The following GPR176 variants were observed in gnomAD, a reference collection of about 807,000 sequenced individuals.
The protein encoded by GPR176 is G-protein coupled receptor 176.
Under a neutral mutation model 35.4 loss-of-function variants are expected in GPR176, and 26 were observed. The observed-to-expected ratio is 0.74, with a 90% CI of 0.54 to 1.02. GPR176 has a LOEUF of 1.02. Ranked by LOEUF, GPR176 falls within the 50% of genes least tolerant of loss-of-function variation. The probability of loss-of-function intolerance (pLI) is 0.00; values close to 1 mark genes in which losing one functional copy is unlikely to be tolerated. For missense variants in GPR176, 597 were observed against 665.3 expected, an observed-to-expected ratio of 0.90 and a Z score of 1.13; for synonymous variants, 278 against 271.3, an observed-to-expected ratio of 1.02 and a Z score of -0.24.
chr15:39,885,424 T>C (rs550808197), intron 1 of GPR176, among the ~76,000 whole-genome samples: 2 of 152,182 alleles, frequency 1.3e-5, no homozygotes, highest in Non-Finnish European at 2.9e-5. Context: ...CCCCACCTCC[T>C]TGCTCTACCC....
At chr15:39,853,765 C>T (rs1311491425) in intron 1 of GPR176, among the ~76,000 whole-genome samples, 3 of 152,020 alleles carry the variant, frequency 2.0e-5, no homozygotes, top group Non-Finnish European at 4.4e-5. Context: ...TTATAAACAT[C>T]CTCACAAAGC....
At chr15:39,804,034 T>G (rs1210517223) in intron 2 of GPR176, among the ~76,000 whole-genome samples, 1 of 152,174 alleles carries the variant, frequency 6.6e-6, no homozygotes, top group Non-Finnish European at 1.5e-5. Flanking sequence ...GACAACTCAG[T>G]AAATATGTGA....
In GPR176 at chr15:39,802,031, G is replaced by A. The variant is rs1272401834; in HGVS notation, c.649C>T (p.Pro217Ser). The A allele has an allele frequency of 6.2e-7, 1 of 1,614,022 alleles. No homozygotes were observed. Reference protein sequence around the residue: ...LVYNITTVIVPVVVVFLFLIL... With the variant: ...LVYNITTVIVSVVVVFLFLIL... ...AAGAAGAGGAACACCACCACCACAG[G>A]CACAATGACCGTGGTGATGTTATAC... Residue 217 changes from proline to serine, a missense_variant, in exon 3 of 3, where the codon CCT (proline) becomes TCT (serine). Transcript: ENST00000561100.
At chr15:39,803,001 G>C (rs1898979740) in intron 2 of GPR176, among the ~76,000 whole-genome samples, 3 of 152,098 alleles carry the variant, frequency 2.0e-5, no homozygotes, top group Admixed American at 2.0e-4. Flanking sequence ...TATTTAACTT[G>C]ATCATTCTGT....
intron 1 of GPR176, among the ~76,000 whole-genome samples, chr15:39,907,112 T>C (rs918650859): frequency 1.3e-5 from 2 of 152,208 alleles, no homozygotes; most frequent in African/African-American, 4.8e-5. Context: ...AAGCCAGCCA[T>C]AAGACGCATC....
At chr15:39,890,059 T>A (rs56040783) in intron 1 of GPR176, among the ~76,000 whole-genome samples, 7,888 of 152,112 alleles carry the variant, frequency 0.052, 643 homozygotes, top group African/African-American at 0.17. Context: ...ATGATGAAAA[T>A]TTTGATCATC....
At chr15:39,859,233 G>C (rs1000208326) in intron 1 of GPR176, among the ~76,000 whole-genome samples, 2 of 151,688 alleles carry the variant, frequency 1.3e-5, no homozygotes, top group Non-Finnish European at 2.9e-5. Flanking sequence ...ACTGAAAAAA[G>C]GTATATCTGA....
At chr15:39,843,510 T>C (rs1040761415) in intron 1 of GPR176, among the ~76,000 whole-genome samples, 1 of 152,108 alleles carries the variant, frequency 6.6e-6, no homozygotes, top group African/African-American at 2.4e-5. Flanking sequence ...ACTCCCAGAA[T>C]TGCATTTTGC....
chr15:39,895,704 T>C (rs1015077824), intron 1 of GPR176, among the ~76,000 whole-genome samples: 3 of 152,202 alleles, frequency 2.0e-5, no homozygotes, highest in Non-Finnish European at 4.4e-5. Context: ...TTTAATGATA[T>C]GGTATGGACA....
chr15:39,853,107 T>C (rs2030982371), intron 1 of GPR176, among the ~76,000 whole-genome samples: 1 of 152,166 alleles, frequency 6.6e-6, no homozygotes. Context: ...TGAAGAGATA[T>C]TTGCACACTC....
intron 1 of GPR176, among the ~76,000 whole-genome samples, chr15:39,913,395 A>G (rs2033630214): frequency 6.6e-6 from 1 of 152,152 alleles, no homozygotes; most frequent in African/African-American, 2.4e-5. Flanking sequence ...AAGTACAAAA[A>G]TTAGATGGGC....
At chr15:39,851,305 A>G (rs1355901156) in intron 1 of GPR176, among the ~76,000 whole-genome samples, 1 of 152,218 alleles carries the variant, frequency 6.6e-6, no homozygotes, top group East Asian at 1.9e-4. Context: ...TGAAGAAAAC[A>G]TAAGCCTAAA....
chr15:39,877,865 A>G (rs1326462899), intron 1 of GPR176, among the ~76,000 whole-genome samples: 2 of 151,786 alleles, frequency 1.3e-5, no homozygotes, highest in Non-Finnish European at 2.9e-5. Flanking sequence ...CCCTGCCCCA[A>G]CTCCATGCTC....
chr15:39,856,139 G>C (rs982612954), intron 1 of GPR176, among the ~76,000 whole-genome samples: 1 of 152,128 alleles, frequency 6.6e-6, no homozygotes, highest in Non-Finnish European at 1.5e-5. Context: ...GGACATGGAG[G>C]CATGCCCAAT....
Position 39,801,865 on chromosome 15 carries a change from A to G in GPR176, c.815T>C (p.Val272Ala), listed in dbSNP as rs990647214. ...CACGCTACACAAGATGAAGACCATC[A>G]CCATGGAGAGCAGGGTGGCGTGCAG... ...AELHATLLSM[V>A]MVFILCSVPY... The change falls in exon 3 of 3, where the codon GTG (valine) becomes GCG (alanine). Residue 272 changes from valine (V) to alanine (A), a missense_variant. By Grantham distance (64) the Val-to-Ala change is moderately conservative. Around this residue, in one of 3 missense-constraint regions of GPR176, gnomAD observed 220 missense variants for 297.6 expected, o/e 0.74. Coordinates refer to ENST00000561100, the MANE Select transcript of GPR176 (RefSeq NM_007223.3). 2.5e-6 allele frequency: 4 copies of G among 1,614,004 alleles called. No homozygotes were observed. The highest frequency in any genetic ancestry group is 2.7e-5 in the African/African-American group (2 of 74,914).
intron 1 of GPR176, among the ~76,000 whole-genome samples, chr15:39,835,370 A>C (rs1318591950): frequency 6.6e-6 from 1 of 152,136 alleles, no homozygotes; most frequent in Admixed American, 6.6e-5. Context: ...CTCACAAAAA[A>C]TAAAAATTAA....
At position 39,835,113 on chromosome 15, in the gene GPR176, G is replaced by A. The variant is rs548659570; in HGVS notation, c.173-27855C>T. The stretch of plus-strand genomic sequence containing the variant: ...GCTCACCACAACCTCTGCCTCCTGG[G>A]TTCAAGCAATTCTCCTGCTTCAGCC... On this transcript the variant is annotated intron_variant, in intron 1 of 2. Coordinates refer to ENST00000561100, the MANE Select transcript of GPR176 (RefSeq NM_007223.3). Among the ~76,000 whole-genome samples the A allele has an allele frequency of 1.0e-3, 156 of 152,168 alleles. 1 individual carries two copies. Among genetic ancestry groups the A allele is most frequent in the African/African-American group, 3.4e-3 (142 of 41,520 alleles).
intron 1 of GPR176, among the ~76,000 whole-genome samples, chr15:39,892,579 G>A (rs934165942): frequency 1.3e-5 from 2 of 152,236 alleles, no homozygotes; most frequent in Non-Finnish European, 2.9e-5. Flanking sequence ...TAATCAAGAT[G>A]AGGTCGCATT....
At chr15:39,810,226 C>A (rs938504364) in intron 1 of GPR176, among the ~76,000 whole-genome samples, 1 of 151,502 alleles carries the variant, frequency 6.6e-6, no homozygotes, top group Non-Finnish European at 1.5e-5. Flanking sequence ...CAGACCTGCA[C>A]ATCCTGCACA....
Sources: gnomAD v4.1 joint callset for allele counts (sites outside exome capture counted in the v4.1 genomes callset) on GRCh38, gnomAD v4.1.1 for gene constraint, gnomAD v4.1.1 regional missense constraint, MANE v1.5 for transcripts, NCBI Gene and HGNC (gene_info 2026-07-23, HGNC 2026-07-21) for gene names.